The following DCBLD2 variants were observed in gnomAD, a reference collection of about 807,000 sequenced individuals.
DCBLD2 encodes discoidin, CUB and LCCL domain containing 2.
DCBLD2 carries 54 observed loss-of-function variants against 86.8 expected under a neutral mutation model. The ratio of observed to expected loss-of-function variants is 0.62; its 90% confidence interval spans 0.50 to 0.78. DCBLD2 has a LOEUF of 0.78. Ranked by LOEUF, DCBLD2 falls within the 30% of genes least tolerant of loss-of-function variation. The probability of loss-of-function intolerance (pLI) is 0.00; values close to 1 mark genes in which losing one functional copy is unlikely to be tolerated. For synonymous variants in DCBLD2, 354 were observed against 341.3 expected (o/e 1.04, Z -0.41); for missense variants, 908 against 954.2 (o/e 0.95, Z 0.64).
At chr3:98,818,227 C>T (rs1377602860) in intron 8 of DCBLD2, among the ~76,000 whole-genome samples, 1 of 152,118 alleles carries the variant, frequency 6.6e-6, no homozygotes, top group Non-Finnish European at 1.5e-5. Flanking sequence ...GTATTATTTA[C>T]AGTACCAAAA....
chr3:98,801,032 G>C (rs1941708967), intron 14 of DCBLD2, among the ~76,000 whole-genome samples: 1 of 152,100 alleles, frequency 6.6e-6, no homozygotes, highest in African/African-American at 2.4e-5. Flanking sequence ...TCTACCCTGG[G>C]GCACTAGCTG....
chr3:98,800,815 A>T (rs1187162821), intron 14 of DCBLD2, 99 bp from the exon 15 acceptor site: 6 of 1,537,052 alleles, frequency 3.9e-6, no homozygotes, highest in Non-Finnish European at 5.3e-6. Flanking sequence ...AGCCATTTCT[A>T]TAACAAATAT....
At position 98,879,531 on chromosome 3, in the gene DCBLD2, C is replaced by T. The variant is rs377499598; in HGVS notation, c.433+2009G>A. Among the ~76,000 whole-genome samples, 66 of 152,172 alleles carry T rather than the reference C, an allele frequency of 4.3e-4. No homozygotes were observed. In the East Asian group the frequency reaches 5.0e-3, roughly 12 times the overall value. On this transcript the variant is annotated intron_variant, in intron 2 of 15. Coordinates refer to ENST00000326840, the MANE Select transcript of DCBLD2 (RefSeq NM_080927.4). Reference sequence around the variant, plus strand: ...CCTCCCAAGTAGCTGGGACTACAGGCGCCCGCCACCACGCCCGGCTCATTT... The same window carrying T: ...CCTCCCAAGTAGCTGGGACTACAGGTGCCCGCCACCACGCCCGGCTCATTT...
chr3:98,801,100 T>C (rs1345570128), intron 14 of DCBLD2, among the ~76,000 whole-genome samples: 3 of 152,202 alleles, frequency 2.0e-5, no homozygotes, highest in Non-Finnish European at 2.9e-5. Flanking sequence ...GCTGATCCAG[T>C]AGTGAGACTG....
chr3:98,880,431 C>T (rs1943445357), intron 2 of DCBLD2, among the ~76,000 whole-genome samples: 1 of 152,168 alleles, frequency 6.6e-6, no homozygotes, highest in South Asian at 2.1e-4. Flanking sequence ...AATTTTTCCA[C>T]CTTTCTTGCT....
chr3:98,833,268 T>G (rs1470123306), intron 3 of DCBLD2, among the ~76,000 whole-genome samples: 1 of 152,238 alleles, frequency 6.6e-6, no homozygotes, highest in Non-Finnish European at 1.5e-5. Context: ...TAGTGTGTTT[T>G]TCAGCTCTAT....
At chr3:98,844,367 A>ATTATTG (rs927910723) in intron 3 of DCBLD2, among the ~76,000 whole-genome samples, 8 of 150,148 alleles carry the variant, frequency 5.3e-5, no homozygotes, top group Non-Finnish European at 1.2e-4. Context: ...TATTATTATT[A>ATTATTG]TTATTTTGGG....
In DCBLD2 at chr3:98,799,272, T is replaced by C; in HGVS notation, c.*100A>G. Reference sequence around the variant, plus strand: ...ACCACATTTTCCCCAACCACTTCAGTGACAGTTATGTAATACATTCTATAT... The same window carrying C: ...ACCACATTTTCCCCAACCACTTCAGCGACAGTTATGTAATACATTCTATAT... On this transcript the variant is annotated 3_prime_UTR_variant, in exon 16 of 16. Transcript: ENST00000326840. The C allele has an allele frequency of 7.9e-7, 1 of 1,273,140 alleles. No homozygotes were observed. Among genetic ancestry groups the C allele is most frequent in the Non-Finnish European group, 1.1e-6 (1 of 927,062 alleles). 78.9% of individuals were successfully genotyped at this position (1,273,140 alleles called of 1,614,324 possible).
intron 6 of DCBLD2, 96 bp from the exon 7 acceptor site, chr3:98,820,384 C>A: frequency 3.3e-6 from 3 of 910,790 alleles, no homozygotes; most frequent in Non-Finnish European, 3.1e-6. Context: ...TCCCCCCACC[C>A]AATAAAAGAA....
At chr3:98,831,934 G>C (rs1211696738) in intron 3 of DCBLD2, among the ~76,000 whole-genome samples, 3 of 152,278 alleles carry the variant, frequency 2.0e-5, no homozygotes, top group African/African-American at 7.2e-5. Context: ...TGGATGGACA[G>C]TTCTGTAGAG....
chr3:98,806,905 C>T (rs1941849884), intron 13 of DCBLD2, among the ~76,000 whole-genome samples: 1 of 152,158 alleles, frequency 6.6e-6, no homozygotes, highest in Admixed American at 6.6e-5. Flanking sequence ...TCTCTTCTCC[C>T]TTTCCTAGAA....
intron 9 of DCBLD2, chr3:98,816,143 C>T (rs912931818): frequency 6.7e-6 from 1 of 149,690 alleles, no homozygotes; most frequent in African/African-American, 2.5e-5. Flanking sequence ...AAAGACATAT[C>T]ACATATTGAG....
intron 4 of DCBLD2, 131 bp from the exon 5 acceptor site, chr3:98,822,872 C>T (rs1343686259): frequency 4.3e-6 from 3 of 695,562 alleles, no homozygotes; most frequent in Admixed American, 3.5e-5. Context: ...CCTCAAAGAC[C>T]CACCACTTCT....
chr3:98,824,495 A>T (rs1576164959), intron 4 of DCBLD2, among the ~76,000 whole-genome samples: 1 of 152,136 alleles, frequency 6.6e-6, no homozygotes, highest in Non-Finnish European at 1.5e-5. Context: ...CTTCCCACAC[A>T]GAACCATTCT....
At chr3:98,889,376 T>G (rs149859932) in intron 1 of DCBLD2, among the ~76,000 whole-genome samples, 1 of 151,898 alleles carries the variant, frequency 6.6e-6, no homozygotes, top group Non-Finnish European at 1.5e-5. Context: ...CAGGCTCCTA[T>G]TTCCACCTCC....
At chr3:98,874,833 C>T (rs1191734741) in intron 2 of DCBLD2, among the ~76,000 whole-genome samples, 3 of 152,196 alleles carry the variant, frequency 2.0e-5, no homozygotes, top group Non-Finnish European at 4.4e-5. Context: ...ATCTACAAGC[C>T]AGGAAGAGAG....
At chr3:98,878,031 C>T (rs1306363382) in intron 2 of DCBLD2, among the ~76,000 whole-genome samples, 1 of 151,704 alleles carries the variant, frequency 6.6e-6, no homozygotes, top group East Asian at 1.9e-4. Context: ...AAAAAAAAAC[C>T]TAATAAATAC....
At chr3:98,807,138 T>C (rs1235361269) in intron 13 of DCBLD2, among the ~76,000 whole-genome samples, 1 of 152,198 alleles carries the variant, frequency 6.6e-6, no homozygotes, top group Non-Finnish European at 1.5e-5. Context: ...AGGCCCAGAC[T>C]GAACCTCTAT....
chr3:98,831,667 G>A (rs1409452061), intron 3 of DCBLD2, among the ~76,000 whole-genome samples: 1 of 152,090 alleles, frequency 6.6e-6, no homozygotes, highest in Non-Finnish European at 1.5e-5. Flanking sequence ...TTCTCATTTA[G>A]TTTCAAAGAA....
Sources: gnomAD v4.1 joint callset for allele counts (sites outside exome capture counted in the v4.1 genomes callset) on GRCh38, gnomAD v4.1.1 for gene constraint, MANE v1.5 for transcripts, NCBI Gene and HGNC (gene_info 2026-07-23, HGNC 2026-07-21) for gene names.